TENM3: variants seen among roughly 807,000 people sequenced by gnomAD.
TENM3 encodes teneurin transmembrane protein 3.
A neutral mutation model predicts 255.1 loss-of-function variants in TENM3; 63 were observed. The observed-to-expected ratio is 0.25, with a 90% CI of 0.20 to 0.30. The LOEUF (loss-of-function observed/expected upper bound fraction) is 0.30. Among genes scored for constraint, TENM3 ranks in the 10% least tolerant of loss-of-function variants. TENM3 has a pLI of 1.00. For synonymous variants in TENM3, 1,306 were observed against 1,322.3 expected (o/e 0.99, Z 0.27); for missense variants, 2,929 against 3,461.1 (o/e 0.85, Z 3.86).
upstream of TENM3, among the ~76,000 whole-genome samples, chr4:182,239,619 T>TTA (rs202010617): frequency 3.9e-4 from 60 of 152,296 alleles, no homozygotes; most frequent in East Asian, 0.012. Context: ...ATGATTTAGT[T>TTA]TTATAGAGTT....
At chr4:182,055,337 C>A in the TENM3 span, among the ~76,000 whole-genome samples, 2 of 138,252 alleles carry the variant, frequency 1.4e-5, no homozygotes, top group African/African-American at 6.5e-5. Flanking sequence ...AGAGCAAGAC[C>A]ATGTCTCAAA....
the TENM3 span, among the ~76,000 whole-genome samples, chr4:181,702,704 T>C: frequency 1.3e-5 from 2 of 152,228 alleles, no homozygotes; most frequent in Non-Finnish European, 1.5e-5. Context: ...AAACATATTT[T>C]ACTTACCATT....
intron 6 of TENM3, among the ~76,000 whole-genome samples, chr4:182,671,155 G>T (rs1378512568): frequency 2.0e-5 from 3 of 152,078 alleles, no homozygotes; most frequent in Non-Finnish European, 4.4e-5. Flanking sequence ...GCTGCAGCTT[G>T]CCCTTGATGC....
intron 3 of TENM3, among the ~76,000 whole-genome samples, chr4:182,425,657 T>C (rs59318431): frequency 0.014 from 2,147 of 152,246 alleles, 32 homozygotes; most frequent in African/African-American, 0.044. Context: ...TATCAAAATA[T>C]ATTGCCCTCT....
At chr4:182,508,141 TATAAGG>T (rs1371018529) in intron 3 of TENM3, among the ~76,000 whole-genome samples, 1 of 152,180 alleles carries the variant, frequency 6.6e-6, no homozygotes, top group Non-Finnish European at 1.5e-5. Flanking sequence ...GTTGAGCTGT[TATAAGG>T]ATGAGACATA....
chr4:181,474,354 A>G, the TENM3 span, among the ~76,000 whole-genome samples: 2 of 152,178 alleles, frequency 1.3e-5, no homozygotes, highest in East Asian at 3.9e-4. Flanking sequence ...TCATTCTAAA[A>G]AATAAAGTCA....
At chr4:182,173,891 A>T (rs548816460) in intron 1 of TENM3, among the ~76,000 whole-genome samples, 1 of 152,186 alleles carries the variant, frequency 6.6e-6, no homozygotes, top group African/African-American at 2.4e-5. Context: ...CTCTATAGCT[A>T]TGTCTGGAGT....
the TENM3 span, among the ~76,000 whole-genome samples, chr4:181,571,633 T>G: frequency 6.6e-6 from 1 of 152,222 alleles, no homozygotes; most frequent in Non-Finnish European, 1.5e-5. Context: ...CCACCGTGCC[T>G]GGCCCTGTTT....
chr4:182,434,162 A>G (rs1771874547), intron 3 of TENM3, among the ~76,000 whole-genome samples: 1 of 152,092 alleles, frequency 6.6e-6, no homozygotes, highest in African/African-American at 2.4e-5. Flanking sequence ...TAAAAAGAAA[A>G]CATGGATGGA....
chr4:181,492,016 C>T, the TENM3 span, among the ~76,000 whole-genome samples: 1 of 152,066 alleles, frequency 6.6e-6, no homozygotes, highest in Admixed American at 6.6e-5. Context: ...TAACTTAAGC[C>T]GCCGTTTCTT....
rs572516613 is a variant in TENM3 at position 182,479,527 on chromosome 4, G to C, written c.512-121397G>C. On this transcript the variant is annotated intron_variant, in intron 3 of 27. Transcript: ENST00000511685. ...TTAAAACAGCAAGGCTTATGATATC[G>C]AATGTGTAATTTTGAAGAAATGAGG... Among the ~76,000 whole-genome samples, 3 of 151,876 alleles carry C rather than the reference G, an allele frequency of 2.0e-5. 1 individual carries two copies. Among genetic ancestry groups the C allele is most frequent in the Non-Finnish European group, 4.4e-5 (3 of 67,848 alleles).
At position 182,792,880 on chromosome 4, in the gene TENM3, A is replaced by G. The variant is rs1359998820; in HGVS notation, c.6208A>G (p.Ile2070Val). The G allele has an allele frequency of 6.2e-7, 1 of 1,613,958 alleles. No homozygotes were observed. Among genetic ancestry groups the G allele is most frequent in the African/African-American group, 1.3e-5 (1 of 75,058 alleles). ...TATATATTATGATATTAACCAGATC[A>G]TTTCTACAGCTGTAATGACCTATAC... ...GVIYYDINQI[I>V]STAVMTYTKH... is the part of the protein sequence containing the mutation. The change falls in exon 26 of 28, where the codon ATT becomes GTT. Residue 2070 changes from isoleucine (I) to valine (V), a missense_variant. Around this residue, in one of 6 missense-constraint regions of TENM3, gnomAD observed 256 missense variants for 389.3 expected, o/e 0.66. Coordinates refer to ENST00000511685, the MANE Select transcript of TENM3 (RefSeq NM_001080477.4). The surrounding 1 kb of genome is among the most constrained non-coding windows in gnomAD (Gnocchi z 6.3).
At chr4:181,789,266 A>AT in the TENM3 span, among the ~76,000 whole-genome samples, 10 of 148,030 alleles carry the variant, frequency 6.8e-5, no homozygotes, top group Non-Finnish European at 1.5e-4. Flanking sequence ...TATTTATTTT[A>AT]TTTTTTTGAG....
the TENM3 span, among the ~76,000 whole-genome samples, chr4:182,070,236 C>A: frequency 2.0e-5 from 3 of 152,172 alleles, no homozygotes; most frequent in African/African-American, 7.2e-5. Context: ...GTGCTTTATG[C>A]ATAGAAAAAG....
intron 3 of TENM3, among the ~76,000 whole-genome samples, chr4:182,397,398 TAA>T (rs144177808): frequency 9.0e-3 from 439 of 48,798 alleles, no homozygotes; most frequent in African/African-American, 0.029. Flanking sequence ...AGACTCCATC[TAA>T]AAAAAAAAAA....
At chr4:181,847,077 G>C in the TENM3 span, among the ~76,000 whole-genome samples, 42 of 152,358 alleles carry the variant, frequency 2.8e-4, no homozygotes, top group African/African-American at 9.9e-4. Flanking sequence ...AGACAGTGCT[G>C]CTTTCCGAAC....
chr4:181,935,329 G>A, the TENM3 span, among the ~76,000 whole-genome samples: 8 of 152,200 alleles, frequency 5.3e-5, no homozygotes, highest in African/African-American at 1.4e-4. Context: ...TGTGAAGAAC[G>A]TAATCGTTTC....
chr4:182,752,073 TA>T (rs5864797), intron 20 of TENM3, 41 bp downstream of exon 20: 25,244 of 903,242 alleles, frequency 0.028, 4 homozygotes, highest in Middle Eastern at 0.033. Context: ...TTTTATTTAT[TA>T]AAAAAAAAAA....
At chr4:181,641,105 A>G in the TENM3 span, among the ~76,000 whole-genome samples, 1 of 152,190 alleles carries the variant, frequency 6.6e-6, no homozygotes, top group Non-Finnish European at 1.5e-5. Context: ...TCTTTCTTCA[A>G]TACATATAAA....
Sources: allele counts gnomAD v4.1 joint callset (sites outside exome capture counted in the v4.1 genomes callset), GRCh38; gene constraint gnomAD v4.1.1; regional missense constraint gnomAD v4.1.1; non-coding constraint Gnocchi (gnomAD v3.1); transcripts MANE v1.5; gene names NCBI Gene and HGNC (gene_info 2026-07-23, HGNC 2026-07-21).